Variants in RAPGEF4 observed in about 807,000 individuals in gnomAD.
RAPGEF4 encodes Rap guanine nucleotide exchange factor 4, also known as RAP guanine-nucleotide-exchange factor (GEF) 4.
A neutral mutation model predicts 147.9 loss-of-function variants in RAPGEF4; 66 were observed. That is an observed-to-expected ratio of 0.45 (90% CI 0.37 to 0.55). The LOEUF (loss-of-function observed/expected upper bound fraction) is 0.55. RAPGEF4 is among the 20% of genes least tolerant of loss of function. The pLI is 0.00. For synonymous variants in RAPGEF4, 419 were observed against 442.7 expected, an observed-to-expected ratio of 0.95 and a Z score of 0.67; for missense variants, 1,071 against 1,257.3, an observed-to-expected ratio of 0.85 and a Z score of 2.24.
At chr2:172,972,315 T>G (rs549066471) in intron 10 of RAPGEF4, among the ~76,000 whole-genome samples, 34 of 152,326 alleles carry the variant, frequency 2.2e-4, no homozygotes, top group African/African-American at 7.7e-4. Context: ...TCCTGGTAAT[T>G]ATAGAGGGAT....
chr2:172,842,705 G>T (rs1691748656), intron 4 of RAPGEF4, among the ~76,000 whole-genome samples: 1 of 152,252 alleles, frequency 6.6e-6, no homozygotes. Flanking sequence ...GAACCAGGCA[G>T]AAGCTTCTTC....
intron 4 of RAPGEF4, among the ~76,000 whole-genome samples, chr2:172,903,456 TG>T (rs1244404775): frequency 1.3e-5 from 2 of 151,064 alleles, no homozygotes; most frequent in African/African-American, 4.9e-5. Flanking sequence ...GAGAATCTCT[TG>T]AACCTGGGAG....
At chr2:172,756,629 A>AGTAG (rs1169846811) in intron 1 of RAPGEF4, among the ~76,000 whole-genome samples, 4 of 152,226 alleles carry the variant, frequency 2.6e-5, no homozygotes, top group African/African-American at 4.8e-5. Context: ...AAATAGAAGA[A>AGTAG]GTAGGACAGA....
At chr2:172,812,090 G>A (rs1024910444) in intron 3 of RAPGEF4, among the ~76,000 whole-genome samples, 1 of 152,190 alleles carries the variant, frequency 6.6e-6, no homozygotes, top group Non-Finnish European at 1.5e-5. Flanking sequence ...CTGAAAGTTT[G>A]AACTTGCAAA....
intron 1 of RAPGEF4, among the ~76,000 whole-genome samples, chr2:172,775,195 C>G (rs1266106894): frequency 1.3e-5 from 2 of 152,220 alleles, no homozygotes; most frequent in African/African-American, 2.4e-5. Flanking sequence ...AGACTCCTTT[C>G]TGCAACCAGC....
intron 1 of RAPGEF4, among the ~76,000 whole-genome samples, chr2:172,738,398 C>G (rs1298355831): frequency 5.3e-5 from 8 of 152,088 alleles, no homozygotes; most frequent in Admixed American, 5.2e-4. Flanking sequence ...CAGCTAACCA[C>G]AATGCAATAG....
intron 1 of RAPGEF4, among the ~76,000 whole-genome samples, chr2:172,747,206 G>C (rs1240957474): frequency 6.6e-6 from 1 of 152,128 alleles, no homozygotes; most frequent in Non-Finnish European, 1.5e-5. Context: ...CATCTTCATT[G>C]AGGCACAATT....
chr2:172,892,950 A>T (rs1020268245), intron 4 of RAPGEF4, among the ~76,000 whole-genome samples: 14 of 152,352 alleles, frequency 9.2e-5, no homozygotes, highest in African/African-American at 3.4e-4. Context: ...TAAACTGATA[A>T]GTAAAAGAGA....
In RAPGEF4 at chr2:172,882,869, C is replaced by T. The variant is rs141588831; in HGVS notation, c.445-34933C>T. 2.7e-4 allele frequency among the ~76,000 whole-genome samples: 41 copies of T among 152,204 alleles called. No homozygotes were observed. The Middle Eastern group carries it at 0.014, about 51-fold the overall frequency. On this transcript the variant is annotated intron_variant, in intron 4 of 30. Transcript: ENST00000397081. ...CTGCTGTTAGGAAGACATGCTAGAT[C>T]CAAGAATTCTGAAGTCCTGGCTACT... is the stretch of plus-strand genomic sequence containing the variant.
At position 172,917,483 on chromosome 2, in the gene RAPGEF4, G is replaced by A. The variant is rs59672885; in HGVS notation, c.445-319G>A. 4.9e-6 allele frequency: 3 copies of A among 616,240 alleles called. No homozygotes were observed. In the Admixed American group the frequency reaches 5.6e-5, roughly 12 times the overall value. The allele number at this position is 616,240 out of a possible 1,614,324, so 38.2% of individuals were successfully genotyped here. ...GCCTTTTCCCTCTACAAAAAGCTGA[G>A]CTTGTGTTTGTGGGGTTGGGGAGGG... On this transcript the variant is annotated intron_variant, in intron 4 of 30. Transcript: ENST00000397081.
chr2:172,785,711 C>A (rs1685130718), intron 1 of RAPGEF4, among the ~76,000 whole-genome samples: 1 of 152,128 alleles, frequency 6.6e-6, no homozygotes, highest in Non-Finnish European at 1.5e-5. Flanking sequence ...ACAGTGTTAT[C>A]ATAGTCTGCT....
At chr2:172,978,201 C>G (rs949823318) in intron 10 of RAPGEF4, among the ~76,000 whole-genome samples, 3 of 151,680 alleles carry the variant, frequency 2.0e-5, no homozygotes, top group Admixed American at 6.6e-5. Context: ...TGGTCACACC[C>G]CCCCCAGAGC....
chr2:172,793,747 G>T (rs1185120225), intron 1 of RAPGEF4, among the ~76,000 whole-genome samples: 2 of 152,182 alleles, frequency 1.3e-5, no homozygotes, highest in African/African-American at 4.8e-5. Flanking sequence ...TTGGTTCTTT[G>T]ATTTATCTTA....
intron 1 of RAPGEF4, among the ~76,000 whole-genome samples, chr2:172,752,650 A>C (rs1695403406): frequency 6.6e-6 from 1 of 152,188 alleles, no homozygotes; most frequent in South Asian, 2.1e-4. Context: ...GTCCTTGTTT[A>C]ATTACGTAAA....
rs1205484544 is a variant in RAPGEF4 at position 172,953,243 on chromosome 2, TTA to T, written c.538-7511_538-7510del. Among the ~76,000 whole-genome samples, 6 of 147,942 alleles carry T rather than the reference TTA, an allele frequency of 4.1e-5. No homozygotes were observed. The East Asian group carries it at 9.7e-4, about 24-fold the overall frequency. The stretch of plus-strand genomic sequence containing the variant: ...TATAATATACAATCTTTTATATCTA[TTA>T]TATATTATATCTATTATTTATTTTA... On this transcript the variant is annotated intron_variant, in intron 6 of 30. Coordinates refer to ENST00000397081, the MANE Select transcript of RAPGEF4 (RefSeq NM_007023.4).
chr2:172,864,341 AG>A (rs1694375771), intron 4 of RAPGEF4, among the ~76,000 whole-genome samples: 2 of 152,306 alleles, frequency 1.3e-5, no homozygotes, highest in South Asian at 4.2e-4. Context: ...GAACACAAAA[AG>A]GTGTGCATTT....
At chr2:172,889,744 G>A (rs1453996308) in intron 4 of RAPGEF4, 3 of 755,034 alleles carry the variant, frequency 4.0e-6, no homozygotes, top group South Asian at 1.2e-4. Flanking sequence ...ACTTTCAAAT[G>A]TCAATCAGCA....
At chr2:172,768,921 T>C (rs1362905048) in intron 1 of RAPGEF4, among the ~76,000 whole-genome samples, 1 of 152,238 alleles carries the variant, frequency 6.6e-6, no homozygotes, top group Non-Finnish European at 1.5e-5. Context: ...CAGCTCTCCG[T>C]GTACTCTCAC....
chr2:172,971,932 T>C (rs1479586043), intron 10 of RAPGEF4, among the ~76,000 whole-genome samples: 1 of 152,214 alleles, frequency 6.6e-6, no homozygotes, highest in East Asian at 1.9e-4. Flanking sequence ...GAAATGGTTT[T>C]TTTGTTTGTT....
Sources: gnomAD v4.1 joint callset for allele counts (sites outside exome capture counted in the v4.1 genomes callset) on GRCh38, gnomAD v4.1.1 for gene constraint, MANE v1.5 for transcripts, NCBI Gene and HGNC (gene_info 2026-07-23, HGNC 2026-07-21) for gene names.